Variants in GRIP1 observed in about 807,000 individuals in gnomAD.
GRIP1 encodes the protein glutamate receptor interacting protein 1, also known as glutamate receptor-interacting protein 1.
In GRIP1, 45 loss-of-function variants were observed where a neutral mutation model predicts 129.9. The ratio of observed to expected loss-of-function variants is 0.35; its 90% CI spans 0.27 to 0.44. The LOEUF is 0.44. Ranked by LOEUF, GRIP1 falls within the 20% of genes least tolerant of loss-of-function variation. The pLI is 1.00. For synonymous variants in GRIP1, 530 were observed against 520.8 expected, an observed-to-expected ratio of 1.02 and a Z score of -0.24; for missense variants, 1,196 against 1,396.8, an observed-to-expected ratio of 0.86 and a Z score of 2.29.
At chr12:67,069,112 T>A in exon 1 of GRIP1, 7 of 984,784 alleles carry the variant, frequency 7.1e-6, no homozygotes, top group Non-Finnish European at 6.0e-6. Context: ...GGGCATGGTG[T>A]CGCTCCCTGC....
intron 1 of GRIP1, among the ~76,000 whole-genome samples, chr12:66,736,393 A>G (rs1592791422): frequency 4.3e-5 from 2 of 46,222 alleles, no homozygotes; most frequent in Non-Finnish European, 9.4e-5. Flanking sequence ...TTTTTTTTTT[A>G]GGATACAGGG....
intron 1 of GRIP1, among the ~76,000 whole-genome samples, chr12:67,064,249 T>C (rs1233923444): frequency 6.6e-6 from 1 of 152,238 alleles, no homozygotes; most frequent in African/African-American, 2.4e-5. Context: ...TCTAATGAAT[T>C]CCTAATGAAA....
chr12:66,795,241 CA>C (rs1185115196), intron 1 of GRIP1, among the ~76,000 whole-genome samples: 1 of 152,182 alleles, frequency 6.6e-6, no homozygotes, highest in Non-Finnish European at 1.5e-5. Context: ...TTAGAATCAG[CA>C]AGGATGCCAC....
At chr12:66,923,251 C>T (rs758154314) in intron 1 of GRIP1, among the ~76,000 whole-genome samples, 2 of 152,106 alleles carry the variant, frequency 1.3e-5, no homozygotes, top group Admixed American at 1.3e-4. Context: ...GAAGCCAAAG[C>T]GGGAGGATCA....
At chr12:66,598,717 A>T (rs2064155361) in intron 1 of GRIP1, among the ~76,000 whole-genome samples, 1 of 152,146 alleles carries the variant, frequency 6.6e-6, no homozygotes, top group African/African-American at 2.4e-5. Context: ...ATTTCCTTTC[A>T]TTGTCCAAAA....
chr12:67,022,645 G>A (rs1349874107), intron 1 of GRIP1, among the ~76,000 whole-genome samples: 1 of 152,166 alleles, frequency 6.6e-6, no homozygotes, highest in African/African-American at 2.4e-5. Context: ...GATTTGTATA[G>A]GTAGCTCATT....
intron 1 of GRIP1, among the ~76,000 whole-genome samples, chr12:66,646,283 TTA>T (rs2032357786): frequency 6.6e-6 from 1 of 152,242 alleles, no homozygotes; most frequent in South Asian, 2.1e-4. Flanking sequence ...TGATAGATGA[TTA>T]GTTTCATTGG....
At chr12:66,537,996 C>G (rs2061657069) in intron 4 of GRIP1, among the ~76,000 whole-genome samples, 1 of 152,158 alleles carries the variant, frequency 6.6e-6, no homozygotes, top group African/African-American at 2.4e-5. Flanking sequence ...CAATTAACTG[C>G]AGTCTGAAAA....
chr12:66,661,479 A>AG (rs2033504166), intron 1 of GRIP1, among the ~76,000 whole-genome samples: 2 of 138,706 alleles, frequency 1.4e-5, no homozygotes, highest in Non-Finnish European at 3.0e-5. Context: ...AAAAAGGTGG[A>AG]GGGGAGATGG....
chr12:66,685,124 G>C (rs2034734062), intron 1 of GRIP1, among the ~76,000 whole-genome samples: 1 of 152,040 alleles, frequency 6.6e-6, no homozygotes, highest in South Asian at 2.1e-4. Flanking sequence ...CTGTGCACAG[G>C]AGTTTTCTCC....
intron 1 of GRIP1, among the ~76,000 whole-genome samples, chr12:66,847,410 C>T (rs144538815): frequency 1.3e-3 from 203 of 152,226 alleles, no homozygotes; most frequent in African/African-American, 4.8e-3. Flanking sequence ...ATTTACTTCA[C>T]AAAAAGGTAC....
intron 1 of GRIP1, among the ~76,000 whole-genome samples, chr12:66,998,818 CT>C (rs1465444124): frequency 1.3e-5 from 2 of 152,178 alleles, no homozygotes; most frequent in Non-Finnish European, 2.9e-5. Context: ...ATTATTTCCT[CT>C]CTTCCTGGCT....
At chr12:66,777,946 C>T (rs950600187) in intron 1 of GRIP1, among the ~76,000 whole-genome samples, 6 of 152,138 alleles carry the variant, frequency 3.9e-5, no homozygotes, top group Non-Finnish European at 2.9e-5. Flanking sequence ...TTATAGTAGC[C>T]ACTAGCCACT....
intron 2 of GRIP1, among the ~76,000 whole-genome samples, chr12:66,554,217 A>T (rs2062239276): frequency 6.6e-6 from 1 of 151,900 alleles, no homozygotes; most frequent in South Asian, 2.1e-4. Flanking sequence ...TTGGATACCA[A>T]CTCAGCTACA....
chr12:66,635,644 T>C (rs1262816024), intron 1 of GRIP1, among the ~76,000 whole-genome samples: 5 of 151,740 alleles, frequency 3.3e-5, no homozygotes, highest in Non-Finnish European at 5.9e-5. Context: ...CATAAAGAGA[T>C]TGTAAATATC....
At chr12:66,983,581 CT>C (rs1306250533) in intron 1 of GRIP1, among the ~76,000 whole-genome samples, 1 of 151,954 alleles carries the variant, frequency 6.6e-6, no homozygotes, top group Non-Finnish European at 1.5e-5. Context: ...CTTGATAAAG[CT>C]TTTTTATTTA....
At chr12:66,498,846 G>C (rs751189454) in intron 7 of GRIP1, among the ~76,000 whole-genome samples, 3 of 152,130 alleles carry the variant, frequency 2.0e-5, no homozygotes, top group Admixed American at 6.5e-5. Flanking sequence ...AGTGATAAGA[G>C]GCCTTGGAGT....
At position 66,455,470 on chromosome 12, in the gene GRIP1, G is replaced by A. The variant is rs759999160; in HGVS notation, c.1293C>T (p.Ser431=). Reference sequence around the variant, plus strand: ...TCATCATGGTTCCACGTGGGCTGGTGGAGTAGAGGCTTCGAGGTAGAGTCC... The same window carrying A: ...TCATCATGGTTCCACGTGGGCTGGTAGAGTAGAGGCTTCGAGGTAGAGTCC... The part of the protein sequence containing the change: ...NMGTLPRSLY[S]TSPRGTMMRR... Residue 431 remains serine (S), a synonymous_variant, in exon 11 of 25, where the codon TCC becomes TCT. Transcript: ENST00000359742. 5.0e-6 allele frequency: 8 copies of A among 1,613,928 alleles called. No homozygotes were observed. The highest frequency in any genetic ancestry group is 4.5e-5 in the East Asian group (2 of 44,886).
intron 14 of GRIP1, among the ~76,000 whole-genome samples, chr12:66,429,931 T>C (rs1432884569): frequency 5.9e-5 from 9 of 152,186 alleles, no homozygotes; most frequent in Admixed American, 3.9e-4. Flanking sequence ...CATGAGACAG[T>C]CTAGGCTCTG....
Sources: allele counts gnomAD v4.1 joint callset (sites outside exome capture counted in the v4.1 genomes callset), GRCh38; gene constraint gnomAD v4.1.1; transcripts MANE v1.5; gene names NCBI Gene and HGNC (gene_info 2026-07-23, HGNC 2026-07-21).